Variants in KCNMA1 observed in about 807,000 individuals in gnomAD.
KCNMA1 encodes potassium calcium-activated channel subfamily M alpha 1.
A neutral mutation model predicts 140.0 loss-of-function variants in KCNMA1; 29 were observed. The observed-to-expected ratio is 0.21, with a 90% CI of 0.15 to 0.28. The LOEUF (loss-of-function observed/expected upper bound fraction) is 0.28. KCNMA1 is among the 10% of genes least tolerant of loss of function. KCNMA1 has a pLI of 1.00. For synonymous variants in KCNMA1, 612 were observed against 611.9 expected (o/e 1.00, Z 0.00); for missense variants, 880 against 1,602.2 (o/e 0.55, Z 7.70).
In KCNMA1 at chr10:77,506,753, GGAGA is replaced by G. The variant is rs141918883; in HGVS notation, c.379-102734_379-102731del. ...GTGTGTGTGTGTGTTTGTTAGAGAG[GGAGA>G]GAGAGAGAGAGAGAGAGCTTTGAAA... On this transcript the variant is annotated intron_variant, in intron 1 of 27. Transcript: ENST00000286628. 4.7e-4 allele frequency among the ~76,000 whole-genome samples: 32 copies of G among 68,172 alleles called. 1 individual carries two copies. The highest frequency in any genetic ancestry group is 2.9e-4 in the Non-Finnish European group (10 of 34,708). 44.7% of individuals were successfully genotyped at this position (68,172 alleles called of 152,430 possible).
At chr10:77,217,518 C>T in intron 3 of KCNMA1, 1 of 456,578 alleles carries the variant, frequency 2.2e-6, no homozygotes, top group South Asian at 1.5e-5. Context: ...CCTGGAATTT[C>T]CTGCATTCAA....
intron 2 of KCNMA1, among the ~76,000 whole-genome samples, chr10:77,326,916 C>T (rs1184206789): frequency 6.6e-6 from 1 of 151,986 alleles, no homozygotes. Context: ...CTAGTCCACA[C>T]CAAAGTGAGC....
chr10:77,274,461 C>T lies in KCNMA1; in HGVS notation c.541-23205G>A, dbSNP rs935729831. On this transcript the variant is annotated intron_variant, in intron 2 of 27. Coordinates refer to ENST00000286628, the MANE Select transcript of KCNMA1 (RefSeq NM_001161352.2). ...TGAGCTAATCATTTAAATGATGCTA[C>T]TGAGAAACGAAGCCATTTTCCTTGT... Among the ~76,000 whole-genome samples, 3 of 152,208 alleles carry T rather than the reference C, an allele frequency of 2.0e-5. No individual in the cohort carries two copies. In the East Asian group the frequency reaches 5.8e-4, roughly 29 times the overall value.
At chr10:77,520,830 C>T (rs2053125322) in intron 1 of KCNMA1, among the ~76,000 whole-genome samples, 1 of 152,164 alleles carries the variant, frequency 6.6e-6, no homozygotes, top group South Asian at 2.1e-4. Context: ...AAGAGACCTT[C>T]CAGCCTCAGG....
intron 1 of KCNMA1, among the ~76,000 whole-genome samples, chr10:77,631,132 T>C (rs1383906561): frequency 7.0e-6 from 1 of 142,794 alleles, no homozygotes; most frequent in African/African-American, 2.6e-5. Flanking sequence ...AAAAAAAAGT[T>C]TGAGAAGCCC....
At chr10:77,182,002 A>T (rs931464955) in intron 5 of KCNMA1, among the ~76,000 whole-genome samples, 16 of 152,226 alleles carry the variant, frequency 1.1e-4, no homozygotes, top group African/African-American at 3.6e-4. Context: ...CTTATTTTTT[A>T]AAAAAATACT....
intron 16 of KCNMA1, among the ~76,000 whole-genome samples, chr10:77,025,252 A>G (rs1257831955): frequency 1.8e-4 from 15 of 83,698 alleles, no homozygotes; most frequent in South Asian, 4.4e-4. Flanking sequence ...GTATATATAT[A>G]TATATATATA....
At chr10:77,084,559 T>A in intron 12 of KCNMA1, 78 bp downstream of exon 12, 1 of 1,110,558 alleles carries the variant, frequency 9.0e-7, no homozygotes, top group Non-Finnish European at 1.4e-6. Context: ...GAGATAGTCC[T>A]CTGCAGAAGA....
chr10:77,374,550 T>C (rs1051641458), intron 2 of KCNMA1, among the ~76,000 whole-genome samples: 6 of 152,224 alleles, frequency 3.9e-5, no homozygotes, highest in African/African-American at 9.6e-5. Context: ...GATTAAGTAG[T>C]AGATCACAGG....
rs527797197 is a variant in KCNMA1 at position 76,894,632 on chromosome 10, A to G, written c.3148-2913T>C. Among the ~76,000 whole-genome samples the G allele has an allele frequency of 1.4e-4, 22 of 152,344 alleles. No homozygotes were observed. In the South Asian group the frequency reaches 4.3e-3, roughly 30 times the overall value. On this transcript the variant is annotated intron_variant, in intron 25 of 27. Transcript: ENST00000286628. ...TAAAAAGCCTTTTATAACTCAACCA[A>G]AAAAGACAACCCAATTTTTTAAACG...
At chr10:77,082,229 A>T (rs1396428505) in intron 12 of KCNMA1, among the ~76,000 whole-genome samples, 1 of 151,634 alleles carries the variant, frequency 6.6e-6, no homozygotes, top group African/African-American at 2.4e-5. Flanking sequence ...GGGTTTCACC[A>T]TGTTGGTCAG....
chr10:77,298,237 T>C (rs1216243672), intron 2 of KCNMA1, among the ~76,000 whole-genome samples: 1 of 152,002 alleles, frequency 6.6e-6, no homozygotes, highest in Non-Finnish European at 1.5e-5. Flanking sequence ...CTGGGGAGCT[T>C]ATTTTATTTA....
intron 2 of KCNMA1, among the ~76,000 whole-genome samples, chr10:77,390,066 C>T (rs761416125): frequency 6.6e-6 from 1 of 152,222 alleles, no homozygotes; most frequent in Admixed American, 6.5e-5. Context: ...GAGCCTAACA[C>T]TTGTGGCCTT....
At chr10:77,274,469 C>T (rs10762754) in intron 2 of KCNMA1, among the ~76,000 whole-genome samples, 33,134 of 152,074 alleles carry the variant, frequency 0.22, 3,996 homozygotes, top group East Asian at 0.49. Flanking sequence ...TACTGAGAAA[C>T]GAAGCCATTT....
At position 77,436,957 on chromosome 10, in the gene KCNMA1, TACACAC is replaced by T. The variant is rs10536103; in HGVS notation, c.379-32940_379-32935del. On this transcript the variant is annotated intron_variant, in intron 1 of 27. Coordinates refer to ENST00000286628, the MANE Select transcript of KCNMA1 (RefSeq NM_001161352.2). ...TCCTACTATTCCAGTCTTCTTTCTT[TACACAC>T]ACACACACACACACACACACACACA... 4.4e-3 allele frequency among the ~76,000 whole-genome samples: 592 copies of T among 134,792 alleles called. 1 individual carries two copies. The highest frequency in any genetic ancestry group is 0.011 in the Middle Eastern group (3 of 270). The allele number at this position is 134,792 out of a possible 152,430, so 88.4% of individuals were successfully genotyped here.
chr10:77,082,447 T>C (rs2096603162), intron 12 of KCNMA1, among the ~76,000 whole-genome samples: 1 of 152,122 alleles, frequency 6.6e-6, no homozygotes, highest in Non-Finnish European at 1.5e-5. Context: ...GAAACACCCA[T>C]TTCAAAACTA....
chr10:77,041,934 C>A (rs530730756), intron 14 of KCNMA1, among the ~76,000 whole-genome samples: 2 of 152,316 alleles, frequency 1.3e-5, no homozygotes, highest in South Asian at 4.1e-4. Context: ...GGCACACCTA[C>A]CATCTACTTG....
chr10:77,414,578 G>T (rs1343625729), intron 1 of KCNMA1, among the ~76,000 whole-genome samples: 1 of 151,944 alleles, frequency 6.6e-6, no homozygotes. Context: ...TGCAGCCTCC[G>T]CCTCCCAGGT....
chr10:76,985,394 T>C (rs2080981470), intron 19 of KCNMA1, among the ~76,000 whole-genome samples: 1 of 152,134 alleles, frequency 6.6e-6, no homozygotes, highest in Admixed American at 6.5e-5. Context: ...CATTATAATC[T>C]TACTAACAGA....
Sources: gnomAD v4.1 joint callset for allele counts (sites outside exome capture counted in the v4.1 genomes callset) on GRCh38, gnomAD v4.1.1 for gene constraint, MANE v1.5 for transcripts, NCBI Gene and HGNC (gene_info 2026-07-23, HGNC 2026-07-21) for gene names.